Variants in PRKCE observed in about 807,000 individuals in gnomAD.
The protein encoded by PRKCE is protein kinase C epsilon.
Under a neutral mutation model 85.4 loss-of-function variants are expected in PRKCE, and 16 were observed. The ratio of observed to expected loss-of-function variants is 0.19; its 90% confidence interval spans 0.13 to 0.28. The LOEUF (loss-of-function observed/expected upper bound fraction) is 0.28, where lower values mean the gene tolerates loss of function less well. Among genes scored for constraint, PRKCE ranks in the 10% least tolerant of loss-of-function variants. PRKCE has a pLI of 1.00. For synonymous variants in PRKCE, 388 were observed against 371.5 expected, an observed-to-expected ratio of 1.04 and a Z score of -0.51; for missense variants, 573 against 975.2, an observed-to-expected ratio of 0.59 and a Z score of 5.49.
intron 11 of PRKCE, among the ~76,000 whole-genome samples, chr2:46,090,303 T>C (rs1331579299): frequency 6.6e-6 from 1 of 152,184 alleles, no homozygotes; most frequent in African/African-American, 2.4e-5. Flanking sequence ...CCTCAGGACC[T>C]CTTCAAGCAC....
At chr2:45,852,170 C>G (rs760923736) in intron 2 of PRKCE, 7 of 152,232 alleles carry the variant, frequency 4.6e-5, no homozygotes, top group Non-Finnish European at 7.3e-5. Flanking sequence ...CTAAGTAGGG[C>G]AAGTCAGCTG....
intron 2 of PRKCE, among the ~76,000 whole-genome samples, chr2:45,854,716 C>A (rs57498465): frequency 6.6e-6 from 1 of 152,198 alleles, no homozygotes; most frequent in African/African-American, 2.4e-5. Context: ...TCTCTCCTTA[C>A]ACTTACCACC....
intron 4 of PRKCE, among the ~76,000 whole-genome samples, chr2:45,979,717 A>C (rs952746400): frequency 2.6e-5 from 4 of 152,186 alleles, no homozygotes; most frequent in Admixed American, 2.6e-4. Context: ...GGTAACACGC[A>C]CACAGTTACT....
intron 6 of PRKCE, among the ~76,000 whole-genome samples, chr2:45,989,241 G>A (rs568564825): frequency 7.2e-5 from 11 of 152,334 alleles, no homozygotes; most frequent in Admixed American, 5.9e-4. Context: ...TGTACTCCAC[G>A]AAGACCTGGC....
chr2:45,994,722 A>T (rs954732709), intron 6 of PRKCE, among the ~76,000 whole-genome samples: 3 of 152,224 alleles, frequency 2.0e-5, no homozygotes, highest in Non-Finnish European at 4.4e-5. Flanking sequence ...AGTTTTGGCA[A>T]TTATGAATAC....
At chr2:45,689,164 G>A (rs1442060291) in intron 1 of PRKCE, among the ~76,000 whole-genome samples, 4 of 152,236 alleles carry the variant, frequency 2.6e-5, no homozygotes, top group African/African-American at 9.6e-5. Flanking sequence ...CTTAAGCACA[G>A]CTCTTGTGGC....
chr2:46,161,484 C>T (rs1223095794), intron 14 of PRKCE, among the ~76,000 whole-genome samples: 1 of 152,162 alleles, frequency 6.6e-6, no homozygotes, highest in Non-Finnish European at 1.5e-5. Flanking sequence ...AAACTCGAGT[C>T]TCCAGGTCTC....
At chr2:46,085,222 T>A (rs999645178) in intron 10 of PRKCE, among the ~76,000 whole-genome samples, 2 of 152,148 alleles carry the variant, frequency 1.3e-5, no homozygotes, top group African/African-American at 4.8e-5. Flanking sequence ...CAATAAGGTG[T>A]GACTGTGGTT....
At chr2:45,902,551 C>T (rs540106673) in intron 2 of PRKCE, among the ~76,000 whole-genome samples, 1 of 152,258 alleles carries the variant, frequency 6.6e-6, no homozygotes, top group East Asian at 1.9e-4. Flanking sequence ...AAAAGCTGTG[C>T]TGGGGAAAAG....
intron 2 of PRKCE, among the ~76,000 whole-genome samples, chr2:45,959,460 C>T (rs1701234057): frequency 6.6e-6 from 1 of 152,128 alleles, no homozygotes; most frequent in Non-Finnish European, 1.5e-5. Flanking sequence ...TGGGCCTTTG[C>T]TGACTGCTGT....
At chr2:45,884,999 A>ATTTTTTTT (rs1265565855) in intron 2 of PRKCE, among the ~76,000 whole-genome samples, 11 of 63,266 alleles carry the variant, frequency 1.7e-4, no homozygotes, top group South Asian at 5.5e-4. Context: ...ATATATATAT[A>ATTTTTTTT]TATTTGTTGT....
At chr2:45,720,722 A>G (rs1680546706) in intron 1 of PRKCE, among the ~76,000 whole-genome samples, 1 of 152,200 alleles carries the variant, frequency 6.6e-6, no homozygotes, top group Non-Finnish European at 1.5e-5. Context: ...TCTGCCTGTC[A>G]TGGCTGTGAA....
At chr2:45,767,714 G>C (rs1404874506) in intron 1 of PRKCE, among the ~76,000 whole-genome samples, 1 of 152,178 alleles carries the variant, frequency 6.6e-6, no homozygotes, top group African/African-American at 2.4e-5. Flanking sequence ...TGGACTTGCT[G>C]CTTTCTCTAG....
intron 11 of PRKCE, among the ~76,000 whole-genome samples, chr2:46,143,117 G>A (rs72879758): frequency 0.033 from 5,023 of 152,180 alleles, 292 homozygotes; most frequent in African/African-American, 0.12. Context: ...TTCCTTTGAC[G>A]TATTTCTGTA....
At position 46,084,023 on chromosome 2, in the gene PRKCE, G is replaced by A. The variant is rs144752490; in HGVS notation, c.1438-2185G>A. 1.2e-3 allele frequency among the ~76,000 whole-genome samples: 186 copies of A among 152,312 alleles called. 1 individual carries two copies. The highest frequency in any genetic ancestry group is 4.4e-3 in the African/African-American group (182 of 41,572). ...CAGAAATTCTGATTCCAGTGGTCTG[G>A]GGTTGGCGAGAGCATTTAATTTTTG... On this transcript the variant is annotated intron_variant, in intron 10 of 14. Transcript: ENST00000306156.
chr2:45,848,587 A>T (rs139147507), intron 2 of PRKCE, among the ~76,000 whole-genome samples: 1 of 152,242 alleles, frequency 6.6e-6, no homozygotes, highest in Admixed American at 6.5e-5. Flanking sequence ...CTGGGATTAC[A>T]GGTGTGAGTC....
chr2:46,158,737 C>T (rs1482945474), intron 13 of PRKCE, among the ~76,000 whole-genome samples: 1 of 152,202 alleles, frequency 6.6e-6, no homozygotes, highest in African/African-American at 2.4e-5. Context: ...AACACTCATG[C>T]ACATACAATA....
intron 1 of PRKCE, among the ~76,000 whole-genome samples, chr2:45,751,290 A>C (rs1308895512): frequency 3.3e-5 from 5 of 152,214 alleles, no homozygotes; most frequent in African/African-American, 1.2e-4. Context: ...ACATAATAAT[A>C]TGAACTGAGA....
chr2:46,038,137 T>C (rs1318639057), intron 10 of PRKCE, among the ~76,000 whole-genome samples: 4 of 152,138 alleles, frequency 2.6e-5, no homozygotes, highest in Non-Finnish European at 5.9e-5. Flanking sequence ...CCTTCCTCTA[T>C]AGTTATCTTC....
Sources: allele counts gnomAD v4.1 joint callset (sites outside exome capture counted in the v4.1 genomes callset), GRCh38; gene constraint gnomAD v4.1.1; transcripts MANE v1.5; gene names NCBI Gene and HGNC (gene_info 2026-07-23, HGNC 2026-07-21).